CDK14: variants seen among roughly 807,000 people sequenced by gnomAD.
CDK14 encodes the protein cyclin-dependent kinase 14.
CDK14 carries 34 observed loss-of-function variants against 60.7 expected under a neutral mutation model. The observed-to-expected ratio is 0.56, with a 90% CI of 0.43 to 0.75. The LOEUF is 0.75. CDK14 is among the 30% of genes least tolerant of loss of function. The pLI is 0.00. For synonymous variants in CDK14, 197 were observed against 203.7 expected (o/e 0.97, Z 0.28); for missense variants, 482 against 564.1 (o/e 0.85, Z 1.47).
intron 5 of CDK14, among the ~76,000 whole-genome samples, chr7:90,861,141 A>G (rs1449875202): frequency 6.6e-6 from 1 of 152,154 alleles, no homozygotes; most frequent in Non-Finnish European, 1.5e-5. Context: ...CAGATGCATG[A>G]CATTCAGTAA....
intron 14 of CDK14, among the ~76,000 whole-genome samples, chr7:91,137,087 A>T (rs952859392): frequency 6.6e-6 from 1 of 152,188 alleles, no homozygotes; most frequent in African/African-American, 2.4e-5. Context: ...ACAATGCCCA[A>T]ATTAGAGCTT....
chr7:91,069,291 CT>C (rs1403007471), intron 11 of CDK14, among the ~76,000 whole-genome samples: 2 of 152,170 alleles, frequency 1.3e-5, no homozygotes, highest in Middle Eastern at 3.2e-3. Context: ...GTAATCTCAG[CT>C]ACTCAGGAGG....
At chr7:91,126,741 T>A (rs1799959731) in intron 14 of CDK14, among the ~76,000 whole-genome samples, 1 of 152,160 alleles carries the variant, frequency 6.6e-6, no homozygotes, top group Non-Finnish European at 1.5e-5. Context: ...AGTTTTTCAG[T>A]GTTTCAGCTG....
Position 91,034,439 on chromosome 7 carries a change from C to T in CDK14, c.1042-11458C>T, listed in dbSNP as rs146130829. Among the ~76,000 whole-genome samples, 504 of 152,172 alleles carry T rather than the reference C, an allele frequency of 3.3e-3. 2 individuals carry two copies. Among genetic ancestry groups the T allele is most frequent in the African/African-American group, 0.012 (483 of 41,512 alleles). ...TCCAGCCAAGCACCACTAAATGAGA[C>T]AGTAACCTTCTAGCAGGTGAATTGA... is the stretch of plus-strand genomic sequence containing the variant. On this transcript the variant is annotated intron_variant, in intron 10 of 14. Transcript: ENST00000380050.
chr7:90,863,115 G>A, intron 5 of CDK14, 60 bp from the exon 6 acceptor site: 1 of 867,664 alleles, frequency 1.2e-6, no homozygotes, highest in African/African-American at 1.7e-5. Context: ...AATTATAATG[G>A]TATATATTAG....
intron 2 of CDK14, among the ~76,000 whole-genome samples, chr7:90,672,329 C>T (rs765051592): frequency 8.6e-5 from 13 of 151,894 alleles, no homozygotes; most frequent in Non-Finnish European, 1.6e-4. Flanking sequence ...ACTTACGTGC[C>T]CTCCTTGCCT....
intron 14 of CDK14, among the ~76,000 whole-genome samples, chr7:91,173,139 A>G (rs1801581196): frequency 6.7e-6 from 1 of 148,250 alleles, no homozygotes; most frequent in Non-Finnish European, 1.5e-5. Context: ...TATAACAAAC[A>G]AAAGGTTACA....
At chr7:90,804,930 T>TA (rs1409951798) in intron 5 of CDK14, among the ~76,000 whole-genome samples, 1 of 152,088 alleles carries the variant, frequency 6.6e-6, no homozygotes, top group East Asian at 1.9e-4. Flanking sequence ...TGCCAATCTT[T>TA]AAAAAACGCT....
intron 12 of CDK14, among the ~76,000 whole-genome samples, chr7:91,092,547 C>T (rs1009355708): frequency 1.3e-5 from 2 of 152,210 alleles, no homozygotes; most frequent in South Asian, 4.1e-4. Flanking sequence ...GTAGCCTTTC[C>T]GTTGATGAAC....
intron 6 of CDK14, among the ~76,000 whole-genome samples, chr7:90,882,066 G>A (rs1791773563): frequency 6.6e-6 from 1 of 152,028 alleles, no homozygotes; most frequent in Non-Finnish European, 1.5e-5. Context: ...CATGATGACA[G>A]GATAAATTCA....
chr7:91,137,879 G>C (rs1800335024), intron 14 of CDK14, among the ~76,000 whole-genome samples: 1 of 152,100 alleles, frequency 6.6e-6, no homozygotes, highest in Non-Finnish European at 1.5e-5. Context: ...ACTGTGCTGA[G>C]CCTCACTTCA....
At chr7:91,043,742 A>G (rs940387315) in intron 10 of CDK14, among the ~76,000 whole-genome samples, 1 of 152,240 alleles carries the variant, frequency 6.6e-6, no homozygotes, top group Admixed American at 6.5e-5. Context: ...TTAGTGCTGG[A>G]AAAAGTAACC....
At chr7:90,871,287 T>TA (rs1261140128) in intron 6 of CDK14, among the ~76,000 whole-genome samples, 4 of 152,030 alleles carry the variant, frequency 2.6e-5, no homozygotes, top group Non-Finnish European at 4.4e-5. Flanking sequence ...TATTTGGTTT[T>TA]AAAAAAAGAA....
chr7:90,737,593 C>T (rs540683873), intron 3 of CDK14, among the ~76,000 whole-genome samples: 1 of 152,266 alleles, frequency 6.6e-6, no homozygotes, highest in East Asian at 1.9e-4. Flanking sequence ...CTCTGCACAG[C>T]ACCTAGATCT....
In CDK14 at chr7:90,750,798, G is replaced by C. The variant is rs200454023; in HGVS notation, c.464+3023G>C. Among the ~76,000 whole-genome samples, 13 of 152,000 alleles carry C rather than the reference G, an allele frequency of 8.6e-5. No individual in the cohort carries two copies. In the East Asian group the frequency reaches 2.5e-3, roughly 29 times the overall value. ...TGAGGCATGAGAATAGCTTGAACCT[G>C]CGAGGCGGAGGTTGCAGTGAGCTGA... On this transcript the variant is annotated intron_variant, in intron 4 of 14. Transcript: ENST00000380050.
At chr7:90,750,235 G>A (rs1803783247) in intron 4 of CDK14, among the ~76,000 whole-genome samples, 1 of 148,848 alleles carries the variant, frequency 6.7e-6, no homozygotes, top group Admixed American at 6.7e-5. Context: ...AAGAAAAAAT[G>A]CAATCTGTAC....
In CDK14 at chr7:91,141,229, A is replaced by C. The variant is rs536391674; in HGVS notation, c.*28+23021A>C. ...ATGACCCTCAGTAGGGGGCCATTCC[A>C]GAAAATCGTCAGTGTGACGTAGTCA... On this transcript the variant is annotated intron_variant, in intron 14 of 14. Coordinates refer to ENST00000380050, the MANE Select transcript of CDK14 (RefSeq NM_001287135.2). 7.2e-5 allele frequency among the ~76,000 whole-genome samples: 11 copies of C among 152,356 alleles called. 1 individual carries two copies. Among genetic ancestry groups the C allele is most frequent in the African/African-American group, 2.6e-4 (11 of 41,594 alleles).
At chr7:91,161,555 T>A (rs1182865127) in intron 14 of CDK14, among the ~76,000 whole-genome samples, 1 of 152,212 alleles carries the variant, frequency 6.6e-6, no homozygotes, top group Non-Finnish European at 1.5e-5. Flanking sequence ...AGGCTAATTT[T>A]AAAAATGGCT....
At position 90,687,707 on chromosome 7, in the gene CDK14, C is replaced by G. The variant is rs937961576; in HGVS notation, c.124-38860C>G. Among the ~76,000 whole-genome samples, 3 of 152,000 alleles carry G rather than the reference C, an allele frequency of 2.0e-5. No homozygotes were observed. The East Asian group carries it at 5.8e-4, about 29-fold the overall frequency. The stretch of plus-strand genomic sequence containing the variant: ...TTGGGTAAGAGTCTCCTTCTCACCC[C>G]CCAAGAAGGATTTCAGTTATTTAAA... On this transcript the variant is annotated intron_variant, in intron 2 of 14. Transcript: ENST00000380050.
Sources: gnomAD v4.1 joint callset for allele counts (sites outside exome capture counted in the v4.1 genomes callset) on GRCh38, gnomAD v4.1.1 for gene constraint, MANE v1.5 for transcripts, NCBI Gene and HGNC (gene_info 2026-07-23, HGNC 2026-07-21) for gene names.